The following KPNA7 variants were observed in gnomAD, a reference collection of about 807,000 sequenced individuals.
KPNA7 encodes karyopherin subunit alpha 7.
KPNA7 carries 54 observed loss-of-function variants against 53.7 expected under a neutral mutation model. That is an observed-to-expected ratio of 1.01 (90% CI 0.81 to 1.26). KPNA7 has a LOEUF of 1.26. Among genes scored for constraint, KPNA7 ranks in the 50% most tolerant of loss-of-function variants. The pLI is 0.00. For missense variants in KPNA7, 640 were observed against 644.5 expected (o/e 0.99, Z 0.07); for synonymous variants, 276 against 259.3 (o/e 1.06, Z -0.62).
chr7:99,158,867 C>CT, the KPNA7 span, among the ~76,000 whole-genome samples: 219 of 149,124 alleles, frequency 1.5e-3, no homozygotes, highest in Non-Finnish European at 1.7e-3. Context: ...TAAACAGCAT[C>CT]TTTTTTTTTT....
chr7:99,170,864 G>A (rs1282221828), downstream of KPNA7, among the ~76,000 whole-genome samples: 1 of 152,232 alleles, frequency 6.6e-6, no homozygotes. Context: ...GATAATGATC[G>A]ATGCTTGCAA....
intron 5 of KPNA7, 84 bp downstream of exon 5, chr7:99,194,986 A>G: frequency 7.0e-7 from 1 of 1,421,718 alleles, no homozygotes; most frequent in Non-Finnish European, 9.5e-7. Context: ...TGGGACATCG[A>G]GTATACCCCA....
chr7:99,171,643 C>T (rs943834970), downstream of KPNA7, among the ~76,000 whole-genome samples: 4 of 152,186 alleles, frequency 2.6e-5, no homozygotes, highest in Non-Finnish European at 5.9e-5. Context: ...CATCTGTAGA[C>T]CCAGCTACTC....
At chr7:99,183,279 C>T (rs1266174380) in intron 8 of KPNA7, among the ~76,000 whole-genome samples, 1 of 152,110 alleles carries the variant, frequency 6.6e-6, no homozygotes, top group Non-Finnish European at 1.5e-5. Flanking sequence ...GCTCAATAAA[C>T]CTTTGCATTT....
At chr7:99,179,426 C>T (rs1395827758) in intron 9 of KPNA7, among the ~76,000 whole-genome samples, 1 of 151,846 alleles carries the variant, frequency 6.6e-6, no homozygotes. Flanking sequence ...TGTGGTAGCA[C>T]AAGCCTGTAA....
chr7:99,211,775 T>C (rs989796268), upstream of KPNA7, among the ~76,000 whole-genome samples: 11 of 152,148 alleles, frequency 7.2e-5, no homozygotes, highest in African/African-American at 2.7e-4. Flanking sequence ...CTGCCTGCTT[T>C]AAAGCATTAG....
chr7:99,206,034 T>C (rs990783283), intron 2 of KPNA7, among the ~76,000 whole-genome samples: 6 of 152,198 alleles, frequency 3.9e-5, no homozygotes, highest in African/African-American at 1.4e-4. Flanking sequence ...CTACAAGGCA[T>C]GCCTGTTGGC....
upstream of KPNA7, among the ~76,000 whole-genome samples, chr7:99,209,246 C>T (rs534072131): frequency 1.3e-5 from 2 of 152,136 alleles, no homozygotes; most frequent in Admixed American, 1.3e-4. Context: ...GCCAAGGCTG[C>T]AACAGGAAAA....
upstream of KPNA7, among the ~76,000 whole-genome samples, chr7:99,211,590 T>G (rs549919006): frequency 1.1e-4 from 17 of 152,200 alleles, no homozygotes; most frequent in East Asian, 3.1e-3. Flanking sequence ...ACAACAGAGT[T>G]AGTATCAGAG....
At chr7:99,211,111 G>A (rs985077760), upstream of KPNA7, among the ~76,000 whole-genome samples, 2 of 152,154 alleles carry the variant, frequency 1.3e-5, no homozygotes, top group Non-Finnish European at 2.9e-5. Flanking sequence ...AGACAACTTG[G>A]AGATTTGCAT....
upstream of KPNA7, among the ~76,000 whole-genome samples, chr7:99,210,090 T>C (rs1791022614): frequency 6.6e-6 from 1 of 152,164 alleles, no homozygotes; most frequent in Non-Finnish European, 1.5e-5. Flanking sequence ...GGCTACCCAA[T>C]GAGTTTAGAA....
At chr7:99,146,664 A>G in the KPNA7 span, among the ~76,000 whole-genome samples, 1,848 of 137,594 alleles carry the variant, frequency 0.013, 20 homozygotes, top group South Asian at 0.051. Context: ...GTGAGGCGAG[A>G]TTGTGCCACT....
Position 99,196,083 on chromosome 7 carries a change from C to G in KPNA7, c.284+1G>C, listed in dbSNP as rs1307788352. The G allele has an allele frequency of 1.3e-6, 2 of 1,550,940 alleles. No individual in the cohort carries two copies. The highest frequency in any genetic ancestry group is 2.0e-5 in the Admixed American group (1 of 50,978). ...AACAGCAGAAGTCTGTTTGGAGATA[C>G]CTGGCTGTCTGGGTGGCCTGGAAAC... On this transcript the variant is annotated splice_donor_variant, in intron 4 of 10. Transcript: ENST00000327442. LOFTEE classifies it high-confidence loss of function.
At chr7:99,216,635 C>T (rs1245168461) in intron 1 of KPNA7, among the ~76,000 whole-genome samples, 1 of 152,154 alleles carries the variant, frequency 6.6e-6, no homozygotes, top group Non-Finnish European at 1.5e-5. Context: ...GATCTCAGCT[C>T]ACTGCAACCT....
At chr7:99,192,379 C>CT (rs1318311036) in intron 6 of KPNA7, among the ~76,000 whole-genome samples, 1 of 152,128 alleles carries the variant, frequency 6.6e-6, no homozygotes, top group Non-Finnish European at 1.5e-5. Flanking sequence ...CTGAGTCAAT[C>CT]TTTACCTAAA....
chr7:99,195,470 C>T (rs1790182780), intron 4 of KPNA7, 132 bp from the exon 5 acceptor site: 1 of 788,366 alleles, frequency 1.3e-6, no homozygotes, highest in East Asian at 2.7e-5. Context: ...GGGCAGATCA[C>T]TTGAGGTCGC....
chr7:99,182,167 T>C, intron 8 of KPNA7, 102 bp from the exon 9 acceptor site: 1 of 813,582 alleles, frequency 1.2e-6, no homozygotes, highest in Admixed American at 3.1e-5. Flanking sequence ...CAGCCAGGAC[T>C]GCATGTACAA....
chr7:99,175,233 C>T (rs973472348), intron 10 of KPNA7, among the ~76,000 whole-genome samples: 12 of 152,096 alleles, frequency 7.9e-5, no homozygotes, highest in African/African-American at 2.7e-4. Flanking sequence ...AAGACAGTCT[C>T]GTGCTATTGC....
At chr7:99,182,177 A>G in intron 8 of KPNA7, 112 bp from the exon 9 acceptor site, 1 of 718,956 alleles carries the variant, frequency 1.4e-6, no homozygotes, top group Non-Finnish European at 2.2e-6. Flanking sequence ...TGCATGTACA[A>G]TTTACATAGA....
Sources: allele counts gnomAD v4.1 joint callset (sites outside exome capture counted in the v4.1 genomes callset), GRCh38; gene constraint gnomAD v4.1.1; transcripts MANE v1.5; gene names NCBI Gene and HGNC (gene_info 2026-07-23, HGNC 2026-07-21).